Variants in CDC34 observed in about 807,000 individuals in gnomAD.
The protein encoded by CDC34 is cell division cycle 34, ubiquitin conjugating enzyme.
A neutral mutation model predicts 26.8 loss-of-function variants in CDC34; 18 were observed. That is an observed-to-expected ratio of 0.67 (90% CI 0.47 to 1.00). CDC34 has a LOEUF of 1.00. Ranked by LOEUF, CDC34 falls within the 50% of genes least tolerant of loss-of-function variation. The pLI is 0.00. For missense variants in CDC34, 280 were observed against 334.5 expected, an observed-to-expected ratio of 0.84 and a Z score of 1.27; for synonymous variants, 178 against 147.5, an observed-to-expected ratio of 1.21 and a Z score of -1.50.
At position 536,719 on chromosome 19, in the gene CDC34, C is replaced by T. The variant is rs1979771829; in HGVS notation, c.363-294C>T. The T allele has an allele frequency of 5.6e-6, 3 of 539,022 alleles. No homozygotes were observed. In the Admixed American group the frequency reaches 9.6e-5, roughly 17 times the overall value. The allele number at this position is 539,022 out of a possible 1,614,324, so 33.4% of individuals were successfully genotyped here. ...CAGGTACAAGCACTGGGCCGTGTTG[C>T]CCGTGTGTCCTGGAGTGTAGTCTAG... On this transcript the variant is annotated intron_variant, in intron 3 of 4. Coordinates refer to ENST00000215574, the MANE Select transcript of CDC34 (RefSeq NM_004359.2).
At chr19:539,652 C>T (rs1034102053) in intron 4 of CDC34, among the ~76,000 whole-genome samples, 1 of 152,180 alleles carries the variant, frequency 6.6e-6, no homozygotes, top group African/African-American at 2.4e-5. Flanking sequence ...AGCAGCCAGC[C>T]CCAGAGCCCA....
intron 3 of CDC34, 143 bp from the exon 4 acceptor site, chr19:536,870 C>A (rs968110147): frequency 8.0e-6 from 7 of 871,542 alleles, no homozygotes; most frequent in Non-Finnish European, 1.3e-5. Flanking sequence ...TTCTGGGGGC[C>A]TGAGACAGAA....
At position 532,108 on chromosome 19, in the gene CDC34, G is replaced by A. The variant is rs914534066; in HGVS notation, c.177G>A (p.Lys59=). ...CCTACTACGAGGGCGGCTACTTCAA[G>A]GTGAGCGCGGCGACCCCCGCCCGGG... ...PNTYYEGGYF[K]ARLKFPIDYP... Residue 59 remains lysine (K), a splice_region_variant and synonymous_variant, in exon 1 of 5, where the codon AAG becomes AAA. Coordinates refer to ENST00000215574, the MANE Select transcript of CDC34 (RefSeq NM_004359.2). The A allele has an allele frequency of 6.7e-7, 1 of 1,502,230 alleles. No individual in the cohort carries two copies. The allele number at this position is 1,502,230 out of a possible 1,614,324, so 93.1% of individuals were successfully genotyped here.
intron 3 of CDC34, chr19:536,809 C>G (rs1979777096): frequency 4.9e-6 from 3 of 613,548 alleles, no homozygotes; most frequent in Admixed American, 5.8e-5. Flanking sequence ...TGCTGCCCTC[C>G]CTGGTCTTGG....
chr19:535,948 A>T (rs1328529864), intron 2 of CDC34, 25 bp downstream of exon 2: 2 of 1,599,088 alleles, frequency 1.3e-6, no homozygotes, highest in Admixed American at 3.3e-5. Flanking sequence ...CACGGGCCTC[A>T]AGTCCTCATC....
At chr19:536,886 G>C in intron 3 of CDC34, 127 bp from the exon 4 acceptor site, 1 of 1,001,770 alleles carries the variant, frequency 1.0e-6, no homozygotes, top group Non-Finnish European at 1.5e-6. Context: ...CAGAAGCAGA[G>C]GCCATGAGGC....
chr19:538,790 G>C, intron 4 of CDC34: 1 of 985,354 alleles, frequency 1.0e-6, no homozygotes, highest in Non-Finnish European at 1.2e-6. Context: ...GAGCAGCCAT[G>C]GTGGGCGGGC....
intron 4 of CDC34, among the ~76,000 whole-genome samples, chr19:537,569 G>A (rs905223062): frequency 6.6e-6 from 1 of 150,816 alleles, no homozygotes; most frequent in Non-Finnish European, 1.5e-5. Context: ...AGCCAGGATG[G>A]TCTCGATCTC....
At position 536,011 on chromosome 19, in the gene CDC34, G is replaced by A. The variant is rs1003069089; in HGVS notation, c.264+88G>A. On this transcript the variant is annotated intron_variant, in intron 2 of 4. Transcript: ENST00000215574. The stretch of plus-strand genomic sequence containing the variant: ...CACGTCCTCATCCTTCCGGGACCCG[G>A]GGCGCTGGGAGCCTCACGTCCTCGT... The A allele has an allele frequency of 3.7e-5, 49 of 1,335,860 alleles. No homozygotes were observed. In the African/African-American group the frequency reaches 5.3e-4, roughly 14 times the overall value. The allele number at this position is 1,335,860 out of a possible 1,614,324, so 82.8% of individuals were successfully genotyped here.
chr19:535,873 C>A lies in CDC34; in HGVS notation c.214C>A (p.Pro72Thr). 1 of 1,613,980 alleles carries A rather than the reference C, an allele frequency of 6.2e-7. No homozygotes were observed. The highest frequency in any genetic ancestry group is 8.5e-7 in the Non-Finnish European group (1 of 1,180,002). Residue 72 changes from proline to threonine, a missense_variant, in exon 2 of 5, where the codon CCA becomes ACA. Physicochemically the swap from Pro to Thr is conservative, Grantham distance 38. Coordinates refer to ENST00000215574, the MANE Select transcript of CDC34 (RefSeq NM_004359.2). ...LKFPIDYPYSPPAFRFLTKMW... is the reference protein window; with the variant it reads ...LKFPIDYPYSTPAFRFLTKMW... The stretch of plus-strand genomic sequence containing the variant: ...GTTCCCCATCGACTACCCATACTCT[C>A]CACCAGCCTTTCGGTTCCTGACCAA...
At chr19:539,127 T>G (rs920096316) in intron 4 of CDC34, 74 of 627,316 alleles carry the variant, frequency 1.2e-4, no homozygotes, top group Non-Finnish European at 1.3e-4. Flanking sequence ...GTTGGCCTCG[T>G]GGCAGCCCAA....
At chr19:533,923 G>T (rs1269617703) in intron 1 of CDC34, among the ~76,000 whole-genome samples, 3 of 152,212 alleles carry the variant, frequency 2.0e-5, no homozygotes, top group Admixed American at 6.5e-5. Context: ...CCCAGCCACT[G>T]CCTGCAGCTG....
At chr19:537,453 C>T (rs11883123) in intron 4 of CDC34, among the ~76,000 whole-genome samples, 13,128 of 151,466 alleles carry the variant, frequency 0.087, 1,440 homozygotes, top group African/African-American at 0.26. Context: ...CCCGGGTTCA[C>T]GCCATTCTCC....
At chr19:539,087 G>A (rs960864513) in intron 4 of CDC34, 43 of 873,858 alleles carry the variant, frequency 4.9e-5, no homozygotes, top group Non-Finnish European at 5.5e-5. Context: ...TGTGGTCGCC[G>A]TTTCTGCCTG....
chr19:541,474 C>G lies in CDC34; in HGVS notation c.633C>G (p.Tyr211Ter), dbSNP rs1360855924. The change falls in exon 5 of 5, where the codon TAC becomes TAG. Residue 211 changes from tyrosine to a stop codon, truncating the protein, a stop_gained. Coordinates refer to ENST00000215574, the MANE Select transcript of CDC34 (RefSeq NM_004359.2). LOFTEE classifies it high-confidence loss of function. ...CAGACCTCTTCTACGACGACTACTA[C>G]GAGGACGGCGAGGTGGAGGAGGAGG... ...EGSDLFYDDY[Y>*]EDGEVEEEAD... 1.2e-6 allele frequency: 2 copies of G among 1,611,980 alleles called. No individual in the cohort carries two copies. The highest frequency in any genetic ancestry group is 1.7e-5 in the Admixed American group (1 of 59,894).
intron 4 of CDC34, among the ~76,000 whole-genome samples, chr19:539,313 G>A (rs1052867383): frequency 2.8e-5 from 4 of 141,782 alleles, no homozygotes; most frequent in Admixed American, 7.0e-5. Flanking sequence ...CCCCACAGCC[G>A]CCACCTCTGC....
chr19:539,183 G>C (rs1979898623), intron 4 of CDC34: 1 of 227,124 alleles, frequency 4.4e-6, no homozygotes, highest in Admixed American at 6.5e-5. Flanking sequence ...GCCCGGCTTG[G>C]TCAGGGATGT....
intron 1 of CDC34, among the ~76,000 whole-genome samples, chr19:532,362 T>C (rs965753469): frequency 6.6e-6 from 1 of 152,158 alleles, no homozygotes; most frequent in Non-Finnish European, 1.5e-5. Flanking sequence ...CATCGTCCGG[T>C]CCCCTGTTAG....
intron 3 of CDC34, 127 bp from the exon 4 acceptor site, chr19:536,886 G>A (rs1056577625): frequency 6.4e-5 from 64 of 1,001,652 alleles, no homozygotes; most frequent in Non-Finnish European, 2.1e-5. Flanking sequence ...CAGAAGCAGA[G>A]GCCATGAGGC....
Sources: gnomAD v4.1 joint callset for allele counts (sites outside exome capture counted in the v4.1 genomes callset) on GRCh38, gnomAD v4.1.1 for gene constraint, MANE v1.5 for transcripts, NCBI Gene and HGNC (gene_info 2026-07-23, HGNC 2026-07-21) for gene names.